BDKRB2: variants seen among roughly 807,000 people sequenced by gnomAD.
BDKRB2 encodes B2 bradykinin receptor.
In BDKRB2, 6 loss-of-function variants were observed where a neutral mutation model predicts 4.0. The observed-to-expected ratio is 1.49, with a 90% confidence interval of 0.81 to 2.93. The LOEUF (loss-of-function observed/expected upper bound fraction) is 2.93, where lower values mean the gene tolerates loss of function less well. Ranked by LOEUF, BDKRB2 falls within the 30% of genes most tolerant of loss-of-function variation. BDKRB2 has a pLI of 0.00. For synonymous variants in BDKRB2, 225 were observed against 215.3 expected, an observed-to-expected ratio of 1.05 and a Z score of -0.40; for missense variants, 478 against 520.1, an observed-to-expected ratio of 0.92 and a Z score of 0.79.
intron 1 of BDKRB2, among the ~76,000 whole-genome samples, 200 bp downstream of exon 1, chr14:96,205,159 C>T (rs1367484523): frequency 6.6e-6 from 1 of 152,094 alleles, no homozygotes; most frequent in African/African-American, 2.4e-5. Flanking sequence ...GAGGAATCGC[C>T]CTGTTTGTCT....
At position 96,240,952 on chromosome 14, in the gene BDKRB2, C is replaced by T. The variant is rs994156703; in HGVS notation, c.624C>T (p.Val208=). 1 of 1,592,962 alleles carries T rather than the reference C, an allele frequency of 6.3e-7. No individual in the cohort carries two copies. Among genetic ancestry groups the T allele is most frequent in the Non-Finnish European group, 8.6e-7 (1 of 1,168,550 alleles). ...AGTACAGCGATGAGGGCCACAACGT[C>T]ACCGCTTGTGTCATCAGCTACCCAT... ...MKEYSDEGHN[V]TACVISYPSL... Residue 208 remains valine (V), a synonymous_variant, in exon 3 of 3, where the codon GTC becomes GTT. Transcript: ENST00000554311.
At chr14:96,227,679 A>G (rs1045698398) in intron 1 of BDKRB2, among the ~76,000 whole-genome samples, 10 of 145,110 alleles carry the variant, frequency 6.9e-5, no homozygotes, top group African/African-American at 2.6e-4. Flanking sequence ...ACACGTGTGC[A>G]CACAAACACA....
intron 1 of BDKRB2, among the ~76,000 whole-genome samples, chr14:96,215,051 A>C (rs1890386497): frequency 6.6e-6 from 1 of 152,214 alleles, no homozygotes; most frequent in African/African-American, 2.4e-5. Flanking sequence ...GGCTTATTTA[A>C]ATATTTTTAT....
In BDKRB2 at chr14:96,241,275, T is replaced by G. The variant is rs745556740; in HGVS notation, c.947T>G (p.Ile316Ser). The G allele has an allele frequency of 2.5e-6, 4 of 1,613,908 alleles. No individual in the cohort carries two copies. The highest frequency in any genetic ancestry group is 3.4e-6 in the Non-Finnish European group (4 of 1,179,946). The change falls in exon 3 of 3, where the codon ATC becomes AGC. Residue 316 changes from isoleucine to serine, a missense_variant. By Grantham distance (142) the Ile-to-Ser change is moderately radical. Transcript: ENST00000554311. ...DERIIDVITQIASFMAYSNSC... is the reference protein window; with the variant it reads ...DERIIDVITQSASFMAYSNSC... ...CGCATCATCGATGTAATCACACAGA[T>G]CGCCTCCTTCATGGCCTACAGCAAC... is the stretch of plus-strand genomic sequence containing the variant.
chr14:96,211,571 T>A (rs1360509085), intron 1 of BDKRB2, among the ~76,000 whole-genome samples: 4 of 152,162 alleles, frequency 2.6e-5, no homozygotes, highest in Non-Finnish European at 5.9e-5. Flanking sequence ...TAGCCAAAAG[T>A]AGTGAAAACC....
intron 1 of BDKRB2, among the ~76,000 whole-genome samples, chr14:96,222,282 C>T (rs1340569360): frequency 2.0e-5 from 3 of 152,094 alleles, no homozygotes; most frequent in Non-Finnish European, 4.4e-5. Context: ...TCCCTGCGTT[C>T]ACCAACTCGG....
rs563494871 is a variant in BDKRB2 at position 96,240,719 on chromosome 14, C to T, written c.391C>T (p.Arg131Cys). 2.5e-6 allele frequency: 4 copies of T among 1,601,112 alleles called. No homozygotes were observed. The highest frequency in any genetic ancestry group is 2.3e-5 in the South Asian group (2 of 88,292). Reference protein sequence around the residue: ...FDWLFGETLCRVVNAIISMNL... With the variant: ...FDWLFGETLCCVVNAIISMNL... Reference sequence around the variant, plus strand: ...CTGGCTCTTTGGGGAGACGCTCTGCCGCGTGGTGAATGCCATTATCTCCAT... The same window carrying T: ...CTGGCTCTTTGGGGAGACGCTCTGCTGCGTGGTGAATGCCATTATCTCCAT... Residue 131 changes from arginine to cysteine, a missense_variant, in exon 3 of 3, where the codon CGC becomes TGC. Coordinates refer to ENST00000554311, the MANE Select transcript of BDKRB2 (RefSeq NM_001379692.1).
intron 1 of BDKRB2, among the ~76,000 whole-genome samples, chr14:96,208,765 T>C (rs1890243099): frequency 6.6e-6 from 1 of 152,210 alleles, no homozygotes; most frequent in Non-Finnish European, 1.5e-5. Context: ...AGAGTCCTTC[T>C]CACGCTTCTC....
chr14:96,225,250 T>C (rs1273254729), intron 1 of BDKRB2, among the ~76,000 whole-genome samples: 2 of 152,268 alleles, frequency 1.3e-5, no homozygotes, highest in Admixed American at 6.5e-5. Flanking sequence ...AATGAGGAAA[T>C]TAAAGCTCAG....
At chr14:96,214,515 C>T (rs1030294549) in intron 1 of BDKRB2, 2 of 152,292 alleles carry the variant, frequency 1.3e-5, no homozygotes, top group African/African-American at 4.8e-5. Context: ...TACAGTCCCT[C>T]CCTTAGTGAC....
chr14:96,232,014 C>T (rs543837471), intron 1 of BDKRB2, among the ~76,000 whole-genome samples: 10 of 152,140 alleles, frequency 6.6e-5, no homozygotes, highest in Admixed American at 1.3e-4. Flanking sequence ...TCTCTCCATC[C>T]GGCTGTGTAA....
chr14:96,237,849 C>A (rs918620085), intron 2 of BDKRB2: 3 of 1,289,172 alleles, frequency 2.3e-6, no homozygotes. Flanking sequence ...CAGGGATGGG[C>A]CAGGATCCAT....
In BDKRB2 at chr14:96,240,501, C is replaced by A; in HGVS notation, c.173C>A (p.Thr58Asn). Residue 58 changes from threonine (T) to asparagine (N), a missense_variant, in exon 3 of 3, where the codon ACC (threonine) becomes AAC (asparagine). Thr to Asn is a moderately conservative substitution (Grantham distance 65). Transcript: ENST00000554311. Reference sequence around the variant, plus strand: ...GTGGAGTGGCTGGGCTGGCTCAACACCATCCAGCCCCCCTTCCTCTGGGTG... The same window carrying A: ...GTGGAGTGGCTGGGCTGGCTCAACAACATCCAGCCCCCCTTCCTCTGGGTG... The part of the protein sequence containing the change: ...PQVEWLGWLN[T>N]IQPPFLWVLF... 1 of 1,563,980 alleles carries A rather than the reference C, an allele frequency of 6.4e-7. No homozygotes were observed. Among genetic ancestry groups the A allele is most frequent in the Non-Finnish European group, 8.6e-7 (1 of 1,156,606 alleles).
intron 1 of BDKRB2, among the ~76,000 whole-genome samples, chr14:96,226,085 C>G (rs192060097): frequency 6.6e-6 from 1 of 152,182 alleles, no homozygotes; most frequent in Non-Finnish European, 1.5e-5. Context: ...GACCTGCAGC[C>G]TTCCTTTCTA....
chr14:96,238,413 T>G, intron 2 of BDKRB2: 1 of 969,466 alleles, frequency 1.0e-6, no homozygotes, highest in Non-Finnish European at 1.2e-6. Context: ...AGGAAGCAGA[T>G]TCCTCCTTTT....
rs181163009 is a variant in BDKRB2, at chr14:96,231,576, G to A, written c.-39-5493G>A. On this transcript the variant is annotated intron_variant, in intron 1 of 2. Coordinates refer to ENST00000554311, the MANE Select transcript of BDKRB2 (RefSeq NM_001379692.1). ...AACAGCATCCAGACTCAGTAACCACGTCAATCAGCTTTTAGAGGAAAACAT... is the reference window on the plus strand; with the variant it reads ...AACAGCATCCAGACTCAGTAACCACATCAATCAGCTTTTAGAGGAAAACAT... Among the ~76,000 whole-genome samples, 20 of 152,272 alleles carry A rather than the reference G, an allele frequency of 1.3e-4. No homozygotes were observed. In the East Asian group the frequency reaches 2.9e-3, roughly 22 times the overall value.
chr14:96,231,852 G>A (rs1890826101), intron 1 of BDKRB2, among the ~76,000 whole-genome samples: 1 of 152,226 alleles, frequency 6.6e-6, no homozygotes, highest in Admixed American at 6.5e-5. Context: ...ATGCACGCAT[G>A]CACGCACACC....
At chr14:96,208,162 C>T (rs1890232225) in intron 1 of BDKRB2, among the ~76,000 whole-genome samples, 1 of 152,178 alleles carries the variant, frequency 6.6e-6, no homozygotes, top group Non-Finnish European at 1.5e-5. Context: ...AATCTGCCCC[C>T]CTTGAAAAGT....
At chr14:96,206,832 T>C (rs1890192959) in intron 1 of BDKRB2, among the ~76,000 whole-genome samples, 1 of 152,034 alleles carries the variant, frequency 6.6e-6, no homozygotes, top group Admixed American at 6.6e-5. Flanking sequence ...GACTGGGTAA[T>C]TTATCAAAAA....
Sources: allele counts gnomAD v4.1 joint callset (sites outside exome capture counted in the v4.1 genomes callset), GRCh38; gene constraint gnomAD v4.1.1; transcripts MANE v1.5; gene names NCBI Gene and HGNC (gene_info 2026-07-23, HGNC 2026-07-21).